The following ERGIC1 variants were observed in gnomAD, a reference collection of about 807,000 sequenced individuals.
ERGIC1 encodes the protein endoplasmic reticulum-golgi intermediate compartment 1, also known as endoplasmic reticulum-Golgi intermediate compartment protein 1.
Under a neutral mutation model 38.3 loss-of-function variants are expected in ERGIC1, and 19 were observed. The observed-to-expected ratio is 0.50, with a 90% CI of 0.35 to 0.73. The LOEUF (loss-of-function observed/expected upper bound fraction) is 0.73, where lower values mean the gene tolerates loss of function less well. Ranked by LOEUF, ERGIC1 falls within the 30% of genes least tolerant of loss-of-function variation. The probability of loss-of-function intolerance (pLI) is 0.01; values close to 1 mark genes in which losing one functional copy is unlikely to be tolerated. For missense variants in ERGIC1, 294 were observed against 389.2 expected, an observed-to-expected ratio of 0.76 and a Z score of 2.06; for synonymous variants, 124 against 157.6, an observed-to-expected ratio of 0.79 and a Z score of 1.60.
At chr5:172,870,042 C>T (rs762762400) in intron 1 of ERGIC1, among the ~76,000 whole-genome samples, 1 of 152,158 alleles carries the variant, frequency 6.6e-6, no homozygotes, top group African/African-American at 2.4e-5. Context: ...CCTTCTGGCT[C>T]TATAACTTTT....
intron 3 of ERGIC1, among the ~76,000 whole-genome samples, chr5:172,902,115 C>T (rs1015513996): frequency 6.6e-6 from 1 of 152,232 alleles, no homozygotes; most frequent in Non-Finnish European, 1.5e-5. Context: ...TCCCTGGCCC[C>T]AGCATTTCAG....
chr5:172,900,278 T>G (rs1762835960), intron 3 of ERGIC1, among the ~76,000 whole-genome samples: 1 of 152,142 alleles, frequency 6.6e-6, no homozygotes, highest in South Asian at 2.1e-4. Context: ...CAGGGCTGCT[T>G]CTTTCTGAAG....
Position 172,897,038 on chromosome 5 carries a change from T to C in ERGIC1, c.119T>C (p.Phe40Ser). ...TGCTGCCTCTTCATCCTCTTCCTCT[T>C]CCTCTCGGAGCTCACCGGATTTATA... ...ICCCLFILFL[F>S]LSELTGFITT... Residue 40 changes from phenylalanine to serine, a missense_variant, in exon 3 of 10, where the codon TTC becomes TCC. By Grantham distance (155) the Phe-to-Ser change is radical. This residue lies in a region of ERGIC1 where 163 missense variants were observed against 225.8 expected (regional missense o/e 0.72). Transcript: ENST00000393784. 2 of 1,614,102 alleles carry C rather than the reference T, an allele frequency of 1.2e-6. No individual in the cohort carries two copies. Among genetic ancestry groups the C allele is most frequent in the South Asian group, 2.2e-5 (2 of 91,080 alleles).
At chr5:172,928,678 GATCGATGA>G in intron 7 of ERGIC1, among the ~76,000 whole-genome samples, 1 of 60,816 alleles carries the variant, frequency 1.6e-5, no homozygotes, top group African/African-American at 6.3e-5. Context: ...GTAGGTATAT[GATCGATGA>G]TAAGAGGCCT....
chr5:172,880,870 C>T (rs997014611), intron 1 of ERGIC1, among the ~76,000 whole-genome samples: 2 of 152,242 alleles, frequency 1.3e-5, no homozygotes, highest in African/African-American at 2.4e-5. Context: ...CTCCCATTCC[C>T]TTGACCCCTG....
chr5:172,929,472 AC>A, intron 7 of ERGIC1, among the ~76,000 whole-genome samples: 1 of 152,352 alleles, frequency 6.6e-6, no homozygotes, highest in Admixed American at 6.5e-5. Context: ...CAAGGAATCC[AC>A]ATGGGTGTAA....
intron 1 of ERGIC1, among the ~76,000 whole-genome samples, chr5:172,838,069 A>G (rs921349071): frequency 1.2e-4 from 18 of 152,150 alleles, no homozygotes; most frequent in Admixed American, 3.9e-4. Flanking sequence ...CACTGACCAG[A>G]TGTGCTCTGG....
intron 2 of ERGIC1, among the ~76,000 whole-genome samples, chr5:172,894,132 CTTT>C (rs781661227): frequency 7.5e-3 from 79 of 10,488 alleles, no homozygotes; most frequent in African/African-American, 0.027. Context: ...GCTGATGATA[CTTT>C]TTTTTTTTTT....
At chr5:172,913,105 A>G (rs367547326) in intron 4 of ERGIC1, among the ~76,000 whole-genome samples, 2 of 152,246 alleles carry the variant, frequency 1.3e-5, no homozygotes, top group Admixed American at 1.3e-4. Context: ...CAAGCCTGTG[A>G]TAGAAGAGGA....
chr5:172,920,144 A>G (rs1270420580), intron 5 of ERGIC1, among the ~76,000 whole-genome samples: 1 of 152,124 alleles, frequency 6.6e-6, no homozygotes, highest in Non-Finnish European at 1.5e-5. Context: ...GCCCCAGGTC[A>G]CAGCCTAGGG....
chr5:172,938,693 C>T (rs1287538968), intron 9 of ERGIC1, among the ~76,000 whole-genome samples: 1 of 149,534 alleles, frequency 6.7e-6, no homozygotes, highest in Non-Finnish European at 1.5e-5. Flanking sequence ...GCGGACGTTG[C>T]AGTGAGCTGA....
chr5:172,869,416 C>T (rs1023321565), intron 1 of ERGIC1, among the ~76,000 whole-genome samples: 6 of 152,232 alleles, frequency 3.9e-5, no homozygotes, highest in Non-Finnish European at 8.8e-5. Flanking sequence ...CCATGACTCA[C>T]ACCGAGTGGG....
chr5:172,858,956 C>G (rs542625788), intron 1 of ERGIC1, among the ~76,000 whole-genome samples: 1 of 152,350 alleles, frequency 6.6e-6, no homozygotes, highest in East Asian at 1.9e-4. Context: ...AGCTACAAGG[C>G]CTGTGGCTGG....
intron 9 of ERGIC1, 95 bp downstream of exon 9, chr5:172,935,405 A>C (rs1763869044): frequency 6.5e-7 from 1 of 1,545,244 alleles, no homozygotes; most frequent in Admixed American, 1.8e-5. Flanking sequence ...GTTCTCGCTG[A>C]AACAGGAGGC....
intron 3 of ERGIC1, among the ~76,000 whole-genome samples, chr5:172,907,294 A>C (rs1159598862): frequency 6.6e-6 from 1 of 152,230 alleles, no homozygotes; most frequent in African/African-American, 2.4e-5. Context: ...ACGGTGGCTC[A>C]TGCCTGTAAT....
chr5:172,860,430 A>T (rs1761666953), intron 1 of ERGIC1, among the ~76,000 whole-genome samples: 1 of 152,244 alleles, frequency 6.6e-6, no homozygotes. Flanking sequence ...GGCACAGAGA[A>T]GTTATTTAAC....
At position 172,914,842 on chromosome 5, in the gene ERGIC1, T is replaced by C; in HGVS notation, c.375+4T>C. 1 of 1,614,128 alleles carries C rather than the reference T, an allele frequency of 6.2e-7. No individual in the cohort carries two copies. Among genetic ancestry groups the C allele is most frequent in the Non-Finnish European group, 8.5e-7 (1 of 1,180,008 alleles). ...GGGGCAGTTCAGCATCAACAAGGTATGGAAGCCCTGCCTCAGCCCTTTCTA... is the reference window on the plus strand; with the variant it reads ...GGGGCAGTTCAGCATCAACAAGGTACGGAAGCCCTGCCTCAGCCCTTTCTA... On this transcript the variant is annotated splice_donor_region_variant and intron_variant, in intron 5 of 9. Transcript: ENST00000393784.
At position 172,834,343 on chromosome 5, in the gene ERGIC1, C is replaced by T; in HGVS notation, c.-71C>T. The T allele has an allele frequency of 8.3e-7, 1 of 1,205,780 alleles. No individual in the cohort carries two copies. Among genetic ancestry groups the T allele is most frequent in the Non-Finnish European group, 1.0e-6 (1 of 971,308 alleles). 74.7% of individuals were successfully genotyped at this position (1,205,780 alleles called of 1,614,324 possible). A position where few individuals can be genotyped will look rare whatever the true frequency, so the allele number is the denominator to read the frequency against. ...GCGGGGCGGCCGGAGGAGGCGTTGGCAGCGGGCTCGGACCCACGCGGCGCC... is the reference window on the plus strand; with the variant it reads ...GCGGGGCGGCCGGAGGAGGCGTTGGTAGCGGGCTCGGACCCACGCGGCGCC... On this transcript the variant is annotated 5_prime_UTR_variant, in exon 1 of 10. Transcript: ENST00000393784. The surrounding 1 kb of genome is among the most constrained non-coding windows in gnomAD (Gnocchi z 4.1).
At position 172,836,880 on chromosome 5, in the gene ERGIC1, T is replaced by G. The variant is rs189285724; in HGVS notation, c.20+2447T>G. 1.7e-4 allele frequency among the ~76,000 whole-genome samples: 26 copies of G among 152,312 alleles called. 1 individual carries two copies. The highest frequency in any genetic ancestry group is 1.4e-3 in the South Asian group (7 of 4,830). Reference sequence around the variant, plus strand: ...GAGAGAGGGAGTTTTAATCTTCATTTTAAATCAAAGGAGAGGGGAGCTCCA... The same window carrying G: ...GAGAGAGGGAGTTTTAATCTTCATTGTAAATCAAAGGAGAGGGGAGCTCCA... On this transcript the variant is annotated intron_variant, in intron 1 of 9. Transcript: ENST00000393784.
Sources: gnomAD v4.1 joint callset for allele counts (sites outside exome capture counted in the v4.1 genomes callset) on GRCh38, gnomAD v4.1.1 for gene constraint, gnomAD v4.1.1 regional missense constraint, Gnocchi (gnomAD v3.1) non-coding constraint, MANE v1.5 for transcripts, NCBI Gene and HGNC (gene_info 2026-07-23, HGNC 2026-07-21) for gene names.